The following DSCAM variants were observed in gnomAD, a reference collection of about 807,000 sequenced individuals.
DSCAM encodes the protein DS cell adhesion molecule.
Under a neutral mutation model 217.7 loss-of-function variants are expected in DSCAM, and 47 were observed. The ratio of observed to expected loss-of-function variants is 0.22; its 90% confidence interval spans 0.17 to 0.28. DSCAM has a LOEUF of 0.28. Ranked by LOEUF, DSCAM falls within the 10% of genes least tolerant of loss-of-function variation. The probability of loss-of-function intolerance (pLI) is 1.00; values close to 1 mark genes in which losing one functional copy is unlikely to be tolerated. For missense variants in DSCAM, 2,080 were observed against 2,618.3 expected (o/e 0.79, Z 4.49); for synonymous variants, 1,056 against 1,015.3 (o/e 1.04, Z -0.76).
Position 40,011,718 on chromosome 21 carries a change from G to A in DSCAM, c.*1316C>T, listed in dbSNP as rs935253596. On this transcript the variant is annotated 3_prime_UTR_variant, in exon 33 of 33. Coordinates refer to ENST00000400454, the MANE Select transcript of DSCAM (RefSeq NM_001389.5). ...CACATGGGAGATAAAGTGAGGGAAA[G>A]GAAAGTAAAAACTTAGATTTTAGAG... 3 of 152,168 alleles carry A rather than the reference G, an allele frequency of 2.0e-5. No homozygotes were observed. Among genetic ancestry groups the A allele is most frequent in the African/African-American group, 7.2e-5 (3 of 41,438 alleles). The allele number at this position is 152,168 out of a possible 1,614,324, so 9.4% of individuals were successfully genotyped here.
intron 3 of DSCAM, among the ~76,000 whole-genome samples, chr21:40,551,446 A>G (rs1056454078): frequency 2.0e-5 from 3 of 152,218 alleles, no homozygotes; most frequent in African/African-American, 7.2e-5. Context: ...TATTATGTAG[A>G]TGAAGTCTCA....
chr21:40,528,255 G>A (rs1479759762), intron 3 of DSCAM, among the ~76,000 whole-genome samples: 1 of 151,946 alleles, frequency 6.6e-6, no homozygotes, highest in Admixed American at 6.6e-5. Flanking sequence ...CCTCTGTGTG[G>A]CTCAAATAAG....
In DSCAM at chr21:40,347,237, G is replaced by A. The variant is rs1218781465; in HGVS notation, c.1210+433C>T. ...TGCTTGAACCCGGGAGGCAGAGGTT[G>A]TGATGAGCTGAGACTGTGCCACTGC... On this transcript the variant is annotated intron_variant, in intron 6 of 32. Coordinates refer to ENST00000400454, the MANE Select transcript of DSCAM (RefSeq NM_001389.5). Among the ~76,000 whole-genome samples the A allele has an allele frequency of 2.7e-5, 4 of 149,954 alleles. No homozygotes were observed. In the East Asian group the frequency reaches 7.9e-4, roughly 30 times the overall value.
intron 3 of DSCAM, among the ~76,000 whole-genome samples, chr21:40,612,049 A>G (rs56211238): frequency 0.095 from 14,446 of 152,224 alleles, 819 homozygotes; most frequent in South Asian, 0.15. Context: ...TTGTGAGATG[A>G]GTCTGGTCAG....
At chr21:40,031,212 G>T (rs990920347) in intron 32 of DSCAM, among the ~76,000 whole-genome samples, 1 of 152,084 alleles carries the variant, frequency 6.6e-6, no homozygotes, top group African/African-American at 2.4e-5. Context: ...AAGTGATGGG[G>T]GAGGCATGTA....
At chr21:40,749,813 G>A (rs565500423) in intron 1 of DSCAM, among the ~76,000 whole-genome samples, 1 of 152,282 alleles carries the variant, frequency 6.6e-6, no homozygotes, top group East Asian at 1.9e-4. Context: ...CTGAGAGATG[G>A]AACTGACTTA....
chr21:40,232,963 T>C (rs2091394970), intron 11 of DSCAM, among the ~76,000 whole-genome samples: 1 of 152,084 alleles, frequency 6.6e-6, no homozygotes, highest in African/African-American at 2.4e-5. Context: ...TTTATAAATG[T>C]AGTTTAATAT....
At chr21:40,656,225 GTTCT>G (rs1239590808) in intron 3 of DSCAM, among the ~76,000 whole-genome samples, 8 of 152,188 alleles carry the variant, frequency 5.3e-5, no homozygotes, top group African/African-American at 1.9e-4. Flanking sequence ...ATTTCATTTT[GTTCT>G]TTCTACCCCC....
At chr21:40,018,977 G>T (rs558471378) in intron 32 of DSCAM, among the ~76,000 whole-genome samples, 20 of 152,294 alleles carry the variant, frequency 1.3e-4, no homozygotes, top group African/African-American at 4.1e-4. Flanking sequence ...AGCGTCCAAA[G>T]TAGCCCTTTC....
chr21:40,602,589 A>C (rs774674126), intron 3 of DSCAM, among the ~76,000 whole-genome samples: 1 of 152,170 alleles, frequency 6.6e-6, no homozygotes. Context: ...ATTTCATCCA[A>C]GTATTCAAAT....
At chr21:40,246,729 C>T (rs1185067194) in intron 11 of DSCAM, among the ~76,000 whole-genome samples, 1 of 152,138 alleles carries the variant, frequency 6.6e-6, no homozygotes, top group East Asian at 1.9e-4. Flanking sequence ...AAGTTTAAAT[C>T]TCAGCTTTTT....
chr21:40,715,845 A>AT (rs2090836075), intron 1 of DSCAM, among the ~76,000 whole-genome samples: 1 of 152,214 alleles, frequency 6.6e-6, no homozygotes, highest in South Asian at 2.1e-4. Flanking sequence ...GACTGTGGGT[A>AT]ATTTGAACTA....
chr21:40,191,594 C>T (rs571988375), intron 11 of DSCAM, among the ~76,000 whole-genome samples: 2 of 152,306 alleles, frequency 1.3e-5, no homozygotes, highest in Admixed American at 6.5e-5. Flanking sequence ...CAGTTGTACA[C>T]TTAATATTGC....
At chr21:40,166,463 C>A (rs1318219318) in intron 16 of DSCAM, among the ~76,000 whole-genome samples, 1 of 152,212 alleles carries the variant, frequency 6.6e-6, no homozygotes, top group Non-Finnish European at 1.5e-5. Context: ...CCATGGCCCA[C>A]CAGGTCAGGG....
At chr21:40,562,803 T>G (rs949934136) in intron 3 of DSCAM, among the ~76,000 whole-genome samples, 3 of 152,094 alleles carry the variant, frequency 2.0e-5, no homozygotes, top group African/African-American at 7.2e-5. Context: ...AAAGAGGAAA[T>G]GATCCCTGGC....
chr21:40,382,183 T>A (rs1267956297), intron 3 of DSCAM, among the ~76,000 whole-genome samples: 2 of 152,188 alleles, frequency 1.3e-5, no homozygotes, highest in African/African-American at 4.8e-5. Context: ...ATTTCTGCAT[T>A]TTAAATTAAA....
intron 17 of DSCAM, among the ~76,000 whole-genome samples, chr21:40,143,709 T>G (rs1270740099): frequency 6.6e-6 from 1 of 152,108 alleles, no homozygotes; most frequent in East Asian, 1.9e-4. Flanking sequence ...GAGAATGGCG[T>G]GAACCCGGGA....
At chr21:40,536,607 C>T (rs554436527) in intron 3 of DSCAM, among the ~76,000 whole-genome samples, 32 of 152,134 alleles carry the variant, frequency 2.1e-4, no homozygotes, top group South Asian at 8.3e-4. Context: ...AGGGTTTCAC[C>T]ATGTTAGCCA....
In DSCAM at chr21:40,548,513, A is replaced by AAAT. The variant is rs1555855350; in HGVS notation, c.508+144296_508+144297insATT. 1.5e-3 allele frequency among the ~76,000 whole-genome samples: 231 copies of AAAT among 150,404 alleles called. 1 individual carries two copies. Among genetic ancestry groups the AAAT allele is most frequent in the African/African-American group, 5.3e-3 (217 of 41,142 alleles). On this transcript the variant is annotated intron_variant, in intron 3 of 32. Coordinates refer to ENST00000400454, the MANE Select transcript of DSCAM (RefSeq NM_001389.5). ...CTGAAAATAAACCAGTAAAAAAAAAAATATATATATGTACAATATAAAATA... is the reference window on the plus strand; with the variant it reads ...CTGAAAATAAACCAGTAAAAAAAAAAAATATATATATATGTACAATATAAAATA...
Sources: gnomAD v4.1 joint callset for allele counts (sites outside exome capture counted in the v4.1 genomes callset) on GRCh38, gnomAD v4.1.1 for gene constraint, MANE v1.5 for transcripts, NCBI Gene and HGNC (gene_info 2026-07-23, HGNC 2026-07-21) for gene names.